CACNG2: variants seen among roughly 807,000 people sequenced by gnomAD.
The protein encoded by CACNG2 is calcium voltage-gated channel auxiliary subunit gamma 2.
In CACNG2, 3 loss-of-function variants were observed where a neutral mutation model predicts 25.9. The ratio of observed to expected loss-of-function variants is 0.12; its 90% confidence interval spans 0.05 to 0.30. CACNG2 has a LOEUF of 0.30. CACNG2 is among the 10% of genes least tolerant of loss of function. CACNG2 has a pLI of 1.00. For synonymous variants in CACNG2, 167 were observed against 173.3 expected, an observed-to-expected ratio of 0.96 and a Z score of 0.29; for missense variants, 341 against 432.5, an observed-to-expected ratio of 0.79 and a Z score of 1.88.
intron 1 of CACNG2, among the ~76,000 whole-genome samples, chr22:36,605,931 C>G (rs995352013): frequency 1.3e-5 from 2 of 152,120 alleles, no homozygotes; most frequent in Non-Finnish European, 2.9e-5. Context: ...CTGGAGTAGG[C>G]GGATAATGAA....
intron 1 of CACNG2, 100 bp downstream of exon 1, chr22:36,702,266 G>C: frequency 1.3e-6 from 1 of 754,862 alleles, no homozygotes; most frequent in African/African-American, 1.8e-5. Context: ...CTAAGAAAAT[G>C]GTGGAATGTA....
At position 36,664,909 on chromosome 22, in the gene CACNG2, C is replaced by T. The variant is rs138731041; in HGVS notation, c.211+37457G>A. On this transcript the variant is annotated intron_variant, in intron 1 of 3. Coordinates refer to ENST00000300105, the MANE Select transcript of CACNG2 (RefSeq NM_006078.5). ...CAGAAAACATTGATTTTTGAGTTTA[C>T]AACTCAGCTCTGACGAGGGGGTGCC... Among the ~76,000 whole-genome samples the T allele has an allele frequency of 4.0e-3, 616 of 152,254 alleles. 4 individuals are homozygous for T. The highest frequency in any genetic ancestry group is 0.014 in the African/African-American group (591 of 41,546).
At chr22:36,571,370 C>A (rs1235171692) in intron 2 of CACNG2, among the ~76,000 whole-genome samples, 1 of 151,288 alleles carries the variant, frequency 6.6e-6, no homozygotes, top group Non-Finnish European at 1.5e-5. Context: ...GGCAGGAGAA[C>A]CGCTTGAACC....
At chr22:36,638,308 C>A (rs1936390133) in intron 1 of CACNG2, among the ~76,000 whole-genome samples, 1 of 152,214 alleles carries the variant, frequency 6.6e-6, no homozygotes. Context: ...CTGCTTCACA[C>A]CCTTCAGAGG....
At chr22:36,702,028 A>G (rs1416713197) in intron 1 of CACNG2, among the ~76,000 whole-genome samples, 2 of 152,084 alleles carry the variant, frequency 1.3e-5, no homozygotes, top group Non-Finnish European at 2.9e-5. Flanking sequence ...ATAGATGGCA[A>G]TGCTAAATCG....
intron 1 of CACNG2, among the ~76,000 whole-genome samples, chr22:36,672,691 C>G (rs1936968992): frequency 6.6e-6 from 1 of 152,194 alleles, no homozygotes; most frequent in East Asian, 1.9e-4. Flanking sequence ...CCTGCAAAGC[C>G]CATTCTTCCC....
At chr22:36,627,243 T>G (rs6000357) in intron 1 of CACNG2, among the ~76,000 whole-genome samples, 91 of 145,692 alleles carry the variant, frequency 6.2e-4, no homozygotes, top group African/African-American at 2.2e-3. Flanking sequence ...CCTGGAATAG[T>G]GGGAGGTGAA....
chr22:36,641,282 G>T (rs1298662882), intron 1 of CACNG2, among the ~76,000 whole-genome samples: 2 of 152,166 alleles, frequency 1.3e-5, no homozygotes, highest in Non-Finnish European at 1.5e-5. Flanking sequence ...TTATCTTTTT[G>T]ATCTCTGCTG....
chr22:36,618,239 T>C (rs953713684), intron 1 of CACNG2, among the ~76,000 whole-genome samples: 9 of 152,222 alleles, frequency 5.9e-5, no homozygotes, highest in Non-Finnish European at 1.2e-4. Flanking sequence ...TGCGTCTTCA[T>C]CTGGACTAGA....
rs1935960818 is a variant in CACNG2, at chr22:36,612,655, A to G, written c.212-25107T>C. ...CATCCGCCTGGTTATTTGGCTGGTC[A>G]TACGCTCCACCACGAGCACACAACA... On this transcript the variant is annotated intron_variant, in intron 1 of 3. Transcript: ENST00000300105. Among the ~76,000 whole-genome samples, 7 of 152,186 alleles carry G rather than the reference A, an allele frequency of 4.6e-5. No individual in the cohort carries two copies. In the South Asian group the frequency reaches 1.0e-3, roughly 22 times the overall value.
intron 1 of CACNG2, among the ~76,000 whole-genome samples, chr22:36,616,318 T>G (rs1936021467): frequency 6.6e-6 from 1 of 152,250 alleles, no homozygotes; most frequent in Admixed American, 6.5e-5. Context: ...AAATTCTCCC[T>G]TGTTAGAATT....
chr22:36,686,326 C>A (rs894768004), intron 1 of CACNG2, among the ~76,000 whole-genome samples: 4 of 152,172 alleles, frequency 2.6e-5, no homozygotes, highest in African/African-American at 9.7e-5. Context: ...CAGAGCAAGT[C>A]CAGAAGAAGG....
chr22:36,634,291 A>G (rs10427730), intron 1 of CACNG2, among the ~76,000 whole-genome samples: 4,610 of 152,264 alleles, frequency 0.03, 243 homozygotes, highest in African/African-American at 0.11. Flanking sequence ...GATGTATGTC[A>G]CTTCTAAGCC....
At chr22:36,655,966 C>T (rs1359271399) in intron 1 of CACNG2, among the ~76,000 whole-genome samples, 3 of 152,002 alleles carry the variant, frequency 2.0e-5, no homozygotes, top group Admixed American at 2.0e-4. Context: ...TGCCACCACG[C>T]CCAGTTAATT....
In CACNG2 at chr22:36,702,631, T is replaced by A; in HGVS notation, c.-55A>T. On this transcript the variant is annotated 5_prime_UTR_variant, in exon 1 of 4. Transcript: ENST00000300105. The stretch of plus-strand genomic sequence containing the variant: ...CTTCTGGTTCTCGGGAGAGTGTGTG[T>A]GAGGGTGCAAGTACTAAAGCCAAAA... 6.9e-7 allele frequency: 1 copy of A among 1,449,458 alleles called. No individual in the cohort carries two copies. 89.8% of individuals were successfully genotyped at this position (1,449,458 alleles called of 1,614,324 possible). A position where few individuals can be genotyped will look rare whatever the true frequency, so the allele number is the denominator to read the frequency against.
rs1450102553 is a variant in CACNG2, at chr22:36,663,348, C to T, written c.211+39018G>A. 2.0e-5 allele frequency among the ~76,000 whole-genome samples: 3 copies of T among 152,070 alleles called. No individual in the cohort carries two copies. The South Asian group carries it at 6.2e-4, about 32-fold the overall frequency. On this transcript the variant is annotated intron_variant, in intron 1 of 3. Coordinates refer to ENST00000300105, the MANE Select transcript of CACNG2 (RefSeq NM_006078.5). ...CTTTGGTTTTCGCCAAGGGGTACTT[C>T]GAGGAAAGGGCCACCCCTACCCTCT...
chr22:36,677,385 C>T (rs953257758), intron 1 of CACNG2, among the ~76,000 whole-genome samples: 1 of 152,154 alleles, frequency 6.6e-6, no homozygotes, highest in African/African-American at 2.4e-5. Flanking sequence ...CTCTAAGAAG[C>T]CTTAAGCTTT....
intron 1 of CACNG2, among the ~76,000 whole-genome samples, chr22:36,635,794 CT>C (rs1936348528): frequency 6.6e-6 from 1 of 152,192 alleles, no homozygotes; most frequent in Non-Finnish European, 1.5e-5. Flanking sequence ...CCAATGTGGT[CT>C]TTTCCCAGCA....
intron 1 of CACNG2, among the ~76,000 whole-genome samples, chr22:36,684,924 C>T (rs574416392): frequency 6.6e-6 from 1 of 152,244 alleles, no homozygotes; most frequent in Admixed American, 6.5e-5. Flanking sequence ...TCGCGCTGCC[C>T]AATCAATCCG....
Sources: gnomAD v4.1 joint callset for allele counts (sites outside exome capture counted in the v4.1 genomes callset) on GRCh38, gnomAD v4.1.1 for gene constraint, MANE v1.5 for transcripts, NCBI Gene and HGNC (gene_info 2026-07-23, HGNC 2026-07-21) for gene names.